The following ENPP3 variants were observed in gnomAD, a reference collection of about 807,000 sequenced individuals.
ENPP3 encodes ectonucleotide pyrophosphatase/phosphodiesterase 3.
A neutral mutation model predicts 117.8 loss-of-function variants in ENPP3; 104 were observed. The ratio of observed to expected loss-of-function variants is 0.88; its 90% confidence interval spans 0.75 to 1.04. ENPP3 has a LOEUF of 1.04. Among genes scored for constraint, ENPP3 ranks in the 50% least tolerant of loss-of-function variants. The probability of loss-of-function intolerance (pLI) is 0.00; values close to 1 mark genes in which losing one functional copy is unlikely to be tolerated. For missense variants in ENPP3, 1,026 were observed against 1,051.9 expected (o/e 0.98, Z 0.34); for synonymous variants, 380 against 349.9 (o/e 1.09, Z -0.96).
chr6:131,653,583 T>A (rs374035875), intron 5 of ENPP3, among the ~76,000 whole-genome samples: 1 of 152,198 alleles, frequency 6.6e-6, no homozygotes, highest in South Asian at 2.1e-4. Context: ...TTAATTCCTG[T>A]CTTCTTTTTT....
chr6:131,652,045 A>G (rs780057590), intron 3 of ENPP3, among the ~76,000 whole-genome samples: 6 of 152,330 alleles, frequency 3.9e-5, no homozygotes, highest in Non-Finnish European at 7.3e-5. Context: ...AGAACCCCTG[A>G]GGCATGAGTG....
At chr6:131,646,519 C>T (rs1778156334) in intron 2 of ENPP3, among the ~76,000 whole-genome samples, 1 of 152,050 alleles carries the variant, frequency 6.6e-6, no homozygotes, top group South Asian at 2.1e-4. Flanking sequence ...ATGAAAGCCA[C>T]TCCTTATTCC....
At chr6:131,696,612 C>T (rs2114461621) in intron 15 of ENPP3, among the ~76,000 whole-genome samples, 1 of 152,278 alleles carries the variant, frequency 6.6e-6, no homozygotes, top group Non-Finnish European at 1.5e-5. Flanking sequence ...CAAGCCTTAA[C>T]AGGGGCTGCA....
At chr6:131,674,424 A>G (rs1778821125) in intron 8 of ENPP3, 143 bp downstream of exon 8, 2 of 762,920 alleles carry the variant, frequency 2.6e-6, no homozygotes. Flanking sequence ...TTTTACCACT[A>G]TTTGTAACTT....
At chr6:131,706,805 A>ATT (rs1283758165) in intron 15 of ENPP3, among the ~76,000 whole-genome samples, 2 of 152,242 alleles carry the variant, frequency 1.3e-5, no homozygotes, top group Non-Finnish European at 1.5e-5. Context: ...ACATGGGTAA[A>ATT]TTTTGAAAAA....
chr6:131,639,129 T>G (rs1321588994), intron 1 of ENPP3, among the ~76,000 whole-genome samples: 1 of 152,044 alleles, frequency 6.6e-6, no homozygotes, highest in African/African-American at 2.4e-5. Flanking sequence ...TAAAATAATG[T>G]AAAACAATGT....
intron 11 of ENPP3, among the ~76,000 whole-genome samples, chr6:131,679,528 T>TC (rs1374125783): frequency 6.7e-6 from 1 of 148,274 alleles, no homozygotes; most frequent in South Asian, 2.1e-4. Flanking sequence ...TTTTTTTTTT[T>TC]CCATTCAGTG....
chr6:131,703,855 A>T (rs1213007034), intron 15 of ENPP3, among the ~76,000 whole-genome samples: 2 of 150,790 alleles, frequency 1.3e-5, no homozygotes, highest in South Asian at 4.2e-4. Flanking sequence ...GCTTTGTGTG[A>T]CGCATGAGAA....
At chr6:131,664,740 A>G (rs1429948331) in intron 6 of ENPP3, among the ~76,000 whole-genome samples, 1 of 152,214 alleles carries the variant, frequency 6.6e-6, no homozygotes, top group African/African-American at 2.4e-5. Context: ...AATTGCTTAC[A>G]GTATTGAATA....
intron 5 of ENPP3, among the ~76,000 whole-genome samples, chr6:131,656,882 A>G (rs1442978851): frequency 6.6e-6 from 1 of 152,148 alleles, no homozygotes. Flanking sequence ...GCAGAATGTA[A>G]AATGCACTCT....
intron 15 of ENPP3, among the ~76,000 whole-genome samples, chr6:131,716,452 A>T (rs958654255): frequency 2.0e-5 from 3 of 152,048 alleles, no homozygotes; most frequent in Non-Finnish European, 2.9e-5. Flanking sequence ...GAAATATTTT[A>T]AAAAACTAGA....
intron 2 of ENPP3, among the ~76,000 whole-genome samples, chr6:131,642,055 A>G (rs1213238790): frequency 6.6e-6 from 1 of 151,852 alleles, no homozygotes; most frequent in African/African-American, 2.4e-5. Flanking sequence ...TCAGCTTCCC[A>G]AAGTGCTGGG....
At chr6:131,687,716 G>GACA (rs1367730124) in intron 14 of ENPP3, among the ~76,000 whole-genome samples, 1 of 152,100 alleles carries the variant, frequency 6.6e-6, no homozygotes, top group Non-Finnish European at 1.5e-5. Context: ...CTCAAAAGAA[G>GACA]ACATACAAGT....
chr6:131,706,242 G>A (rs561660771), intron 15 of ENPP3, among the ~76,000 whole-genome samples: 6 of 133,478 alleles, frequency 4.5e-5, no homozygotes, highest in African/African-American at 6.8e-5. Flanking sequence ...GTTGGTCAGC[G>A]TTTTCTTGAA....
At chr6:131,641,640 A>T (rs1357892256) in intron 2 of ENPP3, 110 bp downstream of exon 2, 1 of 671,712 alleles carries the variant, frequency 1.5e-6, no homozygotes, top group African/African-American at 1.8e-5. Context: ...TCCATGCAGC[A>T]TTCTGCTTCT....
intron 15 of ENPP3, 104 bp downstream of exon 15, chr6:131,693,728 G>A (rs1160253827): frequency 8.4e-7 from 1 of 1,185,746 alleles, no homozygotes; most frequent in Non-Finnish European, 1.2e-6. Flanking sequence ...GAATTTTCCT[G>A]AGCATTGACA....
At chr6:131,723,753 C>T (rs1357609627) in intron 18 of ENPP3, among the ~76,000 whole-genome samples, 1 of 151,450 alleles carries the variant, frequency 6.6e-6, no homozygotes, top group Non-Finnish European at 1.5e-5. Flanking sequence ...TCATTGATTC[C>T]AGCAGTAATC....
At chr6:131,672,305 G>T (rs1224520425) in intron 7 of ENPP3, among the ~76,000 whole-genome samples, 1 of 152,070 alleles carries the variant, frequency 6.6e-6, no homozygotes, top group Non-Finnish European at 1.5e-5. Flanking sequence ...ATATTCTCAT[G>T]CTTTTTTGGG....
intron 8 of ENPP3, among the ~76,000 whole-genome samples, 174 bp from the exon 9 acceptor site, chr6:131,674,906 G>A (rs111898095): frequency 0.01 from 1,582 of 152,040 alleles, 12 homozygotes; most frequent in Middle Eastern, 0.021. Flanking sequence ...TGATTGCTAC[G>A]TTTTTGATTT....
Sources: allele counts gnomAD v4.1 joint callset (sites outside exome capture counted in the v4.1 genomes callset), GRCh38; gene constraint gnomAD v4.1.1; transcripts MANE v1.5; gene names NCBI Gene and HGNC (gene_info 2026-07-23, HGNC 2026-07-21).